OGG1: variants seen among roughly 807,000 people sequenced by gnomAD.
OGG1 encodes N-glycosylase/DNA lyase.
Under a neutral mutation model 42.3 loss-of-function variants are expected in OGG1, and 35 were observed. That is an observed-to-expected ratio of 0.83 (90% CI 0.63 to 1.10). The LOEUF is 1.10. Among genes scored for constraint, OGG1 ranks in the 50% least tolerant of loss-of-function variants. The pLI is 0.00. For synonymous variants in OGG1, 189 were observed against 179.0 expected (o/e 1.06, Z -0.44); for missense variants, 484 against 446.7 (o/e 1.08, Z -0.75).
At chr3:9,768,844 T>A (rs183429792), downstream of OGG1, among the ~76,000 whole-genome samples, 2 of 152,254 alleles carry the variant, frequency 1.3e-5, no homozygotes, top group East Asian at 3.9e-4. Context: ...ACAGGACCTT[T>A]TTCCCAGGGG....
chr3:9,761,464 A>G, downstream of OGG1: 4 of 1,611,170 alleles, frequency 2.5e-6, no homozygotes, highest in Non-Finnish European at 3.4e-6. Context: ...CACTTACAAG[A>G]TGTAGGCGAT....
At chr3:9,757,582 T>A, downstream of OGG1, 1 of 1,614,096 alleles carries the variant, frequency 6.2e-7, no homozygotes, top group Non-Finnish European at 8.5e-7. This position sits in a 1 kb window ranked among gnomAD's most constrained non-coding sequence, Gnocchi z 4.5. Context: ...TGTGCCCGGC[T>A]CCACGCAGCA....
downstream of OGG1, chr3:9,759,092 G>A (rs922544086): frequency 2.9e-6 from 3 of 1,023,662 alleles, no homozygotes; most frequent in South Asian, 1.3e-5. Context: ...AGTCCCCTCA[G>A]CCCCTCCAGT....
At position 9,772,602 on chromosome 3, in the gene OGG1, G is replaced by A. The variant is rs768706190; in HGVS notation, c.295-8911G>A. Reference sequence around the variant, plus strand: ...AGCTTTCCAATTAAACACAGTGGAAGGAAAGCATCCTCCCAATTTCCTATC... The same window carrying A: ...AGCTTTCCAATTAAACACAGTGGAAAGAAAGCATCCTCCCAATTTCCTATC... On this transcript the variant is annotated intron_variant, in intron 2 of 3. Coordinates refer to the OGG1 transcript ENST00000426518. 4.6e-5 allele frequency among the ~76,000 whole-genome samples: 7 copies of A among 152,190 alleles called. No homozygotes were observed. The South Asian group carries it at 1.4e-3, about 32-fold the overall frequency.
downstream of OGG1, chr3:9,760,253 GAAAAAAA>G: frequency 7.1e-6 from 1 of 140,252 alleles, no homozygotes; most frequent in Admixed American, 7.0e-5. Context: ...AAAAAAGAAA[GAAAAAAA>G]AAAAAAAGTT....
chr3:9,787,609 TTG>T (rs1288535592), intron 3 of OGG1: 1 of 1,153,744 alleles, frequency 8.7e-7, no homozygotes, highest in Non-Finnish European at 1.2e-6. Context: ...CGTACACAGA[TTG>T]TCTCAGGTCA....
At chr3:9,790,788 C>CA (rs557600618), downstream of OGG1, among the ~76,000 whole-genome samples, 2 of 152,188 alleles carry the variant, frequency 1.3e-5, no homozygotes, top group Non-Finnish European at 2.9e-5. Flanking sequence ...AACTGACACT[C>CA]AGAGATATGA....
At chr3:9,770,879 C>G (rs932960245), downstream of OGG1, among the ~76,000 whole-genome samples, 1 of 152,116 alleles carries the variant, frequency 6.6e-6, no homozygotes, top group Non-Finnish European at 1.5e-5. Context: ...GGACCCCACT[C>G]CACCTCCAAG....
chr3:9,766,560 T>C (rs114348032), exon 8 of OGG1: 1 of 706,452 alleles, frequency 1.4e-6, no homozygotes, highest in Non-Finnish European at 1.9e-6. Flanking sequence ...TTTAACAAAA[T>C]CCTCAGGTGA....
downstream of OGG1, among the ~76,000 whole-genome samples, chr3:9,769,535 C>T (rs569189673): frequency 5.3e-5 from 8 of 152,282 alleles, no homozygotes; most frequent in South Asian, 4.1e-4. Flanking sequence ...CAGTACACTC[C>T]GCAAGCCCCC....
chr3:9,787,806 T>C (rs1425093992), exon 4 of OGG1: 1 of 946,194 alleles, frequency 1.1e-6, no homozygotes, highest in Non-Finnish European at 1.5e-6. Context: ...AGAGACTGAC[T>C]AACTTTCTGC....
chr3:9,754,771 T>A lies in OGG1; in HGVS notation c.633T>A (p.Ser211Arg). Residue 211 changes from serine (S) to arginine (R), a missense_variant, in exon 4 of 7, where the codon AGT (serine) becomes AGA (arginine). By Grantham distance (110) the Ser-to-Arg change is moderately radical. Transcript: ENST00000344629. The part of the protein sequence containing the change: ...LGYRARYVSA[S>R]ARAILEEQGG... ...ATCGTGCCCGTTACGTGAGTGCCAG[T>A]GCCCGAGCCATCCTGGAAGAACAGG... 1 of 1,614,058 alleles carries A rather than the reference T, an allele frequency of 6.2e-7. No individual in the cohort carries two copies. The highest frequency in any genetic ancestry group is 8.5e-7 in the Non-Finnish European group (1 of 1,179,974).
chr3:9,757,259 T>TGGGGAGGG lies in OGG1; in HGVS notation c.*109_*110insGGGGAGGG. 1.2e-6 allele frequency: 2 copies of TGGGGAGGG among 1,614,066 alleles called. No homozygotes were observed. Among genetic ancestry groups the TGGGGAGGG allele is most frequent in the African/African-American group, 1.3e-5 (1 of 75,038 alleles). On this transcript the variant is annotated 3_prime_UTR_variant, in exon 7 of 7. Coordinates refer to ENST00000344629, the MANE Select transcript of OGG1 (RefSeq NM_002542.6). The surrounding 1 kb of genome is among the most constrained non-coding windows in gnomAD (Gnocchi z 4.5). ...TGTTGGGGAGGGGCCTCCCTGTGAC[T>TGGGGAGGG]ACCTCAAAGGCCAGGCACCCCCAAA...
chr3:9,761,767 C>A, downstream of OGG1: 1 of 1,613,746 alleles, frequency 6.2e-7, no homozygotes, highest in East Asian at 2.2e-5. Context: ...GCTTGAAGGG[C>A]AGGAGGGAAG....
intron 2 of OGG1, among the ~76,000 whole-genome samples, chr3:9,772,263 G>T (rs147753566): frequency 1.3e-5 from 2 of 152,248 alleles, no homozygotes; most frequent in East Asian, 3.9e-4. Context: ...GTCATTGCAG[G>T]AAAATTCCAT....
intron 2 of OGG1, among the ~76,000 whole-genome samples, chr3:9,777,542 C>T (rs2078380658): frequency 6.6e-6 from 1 of 151,962 alleles, no homozygotes; most frequent in African/African-American, 2.4e-5. Flanking sequence ...GCATGGTAAG[C>T]ATCAGATAGG....
intron 4 of OGG1, among the ~76,000 whole-genome samples, chr3:9,756,093 G>A (rs1383404603): frequency 6.6e-6 from 1 of 152,144 alleles, no homozygotes; most frequent in Non-Finnish European, 1.5e-5. Flanking sequence ...AAGGTGGACA[G>A]ATCACTTGAG....
At chr3:9,762,647 G>T (rs1416500438) in intron 7 of OGG1, among the ~76,000 whole-genome samples, 1 of 152,042 alleles carries the variant, frequency 6.6e-6, no homozygotes, top group Non-Finnish European at 1.5e-5. Flanking sequence ...TTACAGGCGT[G>T]AGCCATCCTG....
In OGG1 at chr3:9,780,606, TC is replaced by T. The variant is rs1261410872; in HGVS notation, c.295-904del. On this transcript the variant is annotated intron_variant, in intron 2 of 3. Coordinates refer to the OGG1 transcript ENST00000426518. Reference sequence around the variant, plus strand: ...CAGCCCACCTCCAGAGAACAACCCCTCCCTCTTCAAGACCGAGCCTACCCAC... The same window carrying T: ...CAGCCCACCTCCAGAGAACAACCCCTCCTCTTCAAGACCGAGCCTACCCAC... The T allele has an allele frequency of 2.6e-6, 4 of 1,526,032 alleles. No individual in the cohort carries two copies. The East Asian group carries it at 7.1e-5, about 27-fold the overall frequency. 94.5% of individuals were successfully genotyped at this position (1,526,032 alleles called of 1,614,324 possible). A position where few individuals can be genotyped will look rare whatever the true frequency, so the allele number is the denominator to read the frequency against.
Sources: allele counts gnomAD v4.1 joint callset (sites outside exome capture counted in the v4.1 genomes callset), GRCh38; gene constraint gnomAD v4.1.1; non-coding constraint Gnocchi (gnomAD v3.1); transcripts MANE v1.5; gene names NCBI Gene and HGNC (gene_info 2026-07-23, HGNC 2026-07-21).